The following SEC23A variants were observed in gnomAD, a reference collection of about 807,000 sequenced individuals.
SEC23A encodes the protein SEC23 homolog A, COPII component.
Under a neutral mutation model 103.7 loss-of-function variants are expected in SEC23A, and 56 were observed. The ratio of observed to expected loss-of-function variants is 0.54; its 90% CI spans 0.44 to 0.67. SEC23A has a LOEUF of 0.67. Among genes scored for constraint, SEC23A ranks in the 30% least tolerant of loss-of-function variants. The probability of loss-of-function intolerance (pLI) is 0.00; values close to 1 mark genes in which losing one functional copy is unlikely to be tolerated. For synonymous variants in SEC23A, 281 were observed against 293.0 expected, an observed-to-expected ratio of 0.96 and a Z score of 0.42; for missense variants, 784 against 936.4, an observed-to-expected ratio of 0.84 and a Z score of 2.12.
At chr14:39,082,210 A>G (rs1325796573) in intron 7 of SEC23A, among the ~76,000 whole-genome samples, 3 of 151,904 alleles carry the variant, frequency 2.0e-5, no homozygotes, top group Non-Finnish European at 4.4e-5. Context: ...ATGTAAGAAT[A>G]CACCCAGTGT....
At chr14:39,058,757 AAG>A (rs1183811052) in intron 13 of SEC23A, among the ~76,000 whole-genome samples, 1 of 152,218 alleles carries the variant, frequency 6.6e-6, no homozygotes, top group Non-Finnish European at 1.5e-5. Flanking sequence ...GTAATTTTGA[AAG>A]TTATGTTTTA....
rs1886823650 is a variant in SEC23A, at chr14:39,071,007, A to G, written c.1103+3408T>C. Among the ~76,000 whole-genome samples the G allele has an allele frequency of 2.0e-5, 3 of 152,144 alleles. No homozygotes were observed. In the South Asian group the frequency reaches 6.2e-4, roughly 31 times the overall value. On this transcript the variant is annotated intron_variant, in intron 9 of 19. Transcript: ENST00000307712. ...GTGCCACTGCACTCCAGCTTGGGCA[A>G]CAAGAGGGAAACTCCATCTCAAAAA...
In SEC23A at chr14:39,063,825, T is replaced by C. The variant is rs112245416; in HGVS notation, c.1309-412A>G. On this transcript the variant is annotated intron_variant, in intron 11 of 19. Coordinates refer to ENST00000307712, the MANE Select transcript of SEC23A (RefSeq NM_006364.4). ...TCCTGGCTAACACGGTGAAACCCCA[T>C]CTCTACTAAAAACACAAAAAATCAG... Among the ~76,000 whole-genome samples, 195 of 151,716 alleles carry C rather than the reference T, an allele frequency of 1.3e-3. 1 individual carries two copies. The highest frequency in any genetic ancestry group is 4.4e-3 in the African/African-American group (184 of 41,432).
chr14:39,070,234 T>C (rs1886799624), intron 9 of SEC23A, among the ~76,000 whole-genome samples: 1 of 152,250 alleles, frequency 6.6e-6, no homozygotes, highest in South Asian at 2.1e-4. Flanking sequence ...ACATAGCAGG[T>C]GCTCATTCAT....
chr14:39,084,301 C>T (rs1887348931), intron 7 of SEC23A, among the ~76,000 whole-genome samples: 1 of 152,146 alleles, frequency 6.6e-6, no homozygotes, highest in South Asian at 2.1e-4. Context: ...GCTGGGATTA[C>T]AGGCGTGAAC....
At chr14:39,100,356 C>T (rs1161921176) in intron 1 of SEC23A, among the ~76,000 whole-genome samples, 3 of 151,860 alleles carry the variant, frequency 2.0e-5, no homozygotes, top group African/African-American at 4.8e-5. Flanking sequence ...ATTTGCCAGG[C>T]TTAGTCCCAT....
At chr14:39,066,010 A>C (rs35703102) in intron 10 of SEC23A, among the ~76,000 whole-genome samples, 1,376 of 20,286 alleles carry the variant, frequency 0.068, 3 homozygotes, top group Non-Finnish European at 0.18. Flanking sequence ...AAAAAAAAAA[A>C]AAAAAAAAAA....
At chr14:39,044,939 TA>T (rs899440880) in intron 16 of SEC23A, among the ~76,000 whole-genome samples, 16 of 148,990 alleles carry the variant, frequency 1.1e-4, no homozygotes, top group African/African-American at 1.5e-4. Flanking sequence ...CCATCTCCTT[TA>T]AAAAAAAAAA....
At chr14:39,066,489 T>TA (rs1566496201) in intron 10 of SEC23A, among the ~76,000 whole-genome samples, 1,857 of 148,556 alleles carry the variant, frequency 0.013, 39 homozygotes, top group African/African-American at 0.046. Context: ...TTTTTTTTTT[T>TA]TAAAAAAAAC....
rs71409412 is a variant in SEC23A at position 39,094,403 on chromosome 14, T to C, written c.222-1159A>G. Reference sequence around the variant, plus strand: ...ACACACACACACACACACACATATATATATATATATATATATATATATATA... The same window carrying C: ...ACACACACACACACACACACATATACATATATATATATATATATATATATA... On this transcript the variant is annotated intron_variant, in intron 2 of 19. Coordinates refer to ENST00000307712, the MANE Select transcript of SEC23A (RefSeq NM_006364.4). 2.2e-3 allele frequency among the ~76,000 whole-genome samples: 8 copies of C among 3,644 alleles called. 1 individual carries two copies. Among genetic ancestry groups the C allele is most frequent in the South Asian group, 7.0e-3 (1 of 142 alleles). 2.4% of individuals were successfully genotyped at this position (3,644 alleles called of 152,430 possible). A position where few individuals can be genotyped will look rare whatever the true frequency, so the allele number is the denominator to read the frequency against.
At chr14:39,081,742 A>G (rs1887233147) in intron 7 of SEC23A, among the ~76,000 whole-genome samples, 2 of 152,216 alleles carry the variant, frequency 1.3e-5, no homozygotes, top group African/African-American at 4.8e-5. Context: ...TGAAAGAAAC[A>G]TTGGTTTTTA....
chr14:39,083,580 T>TTTTTTTTTTTTTA (rs1887311703), intron 7 of SEC23A, among the ~76,000 whole-genome samples: 1 of 142,184 alleles, frequency 7.0e-6, no homozygotes, highest in East Asian at 2.1e-4. Flanking sequence ...TTTTTTTTTT[T>TTTTTTTTTTTTTA]GAGATGGAGT....
At chr14:39,081,754 T>C (rs918224219) in intron 7 of SEC23A, among the ~76,000 whole-genome samples, 4 of 152,172 alleles carry the variant, frequency 2.6e-5, no homozygotes, top group Non-Finnish European at 5.9e-5. Flanking sequence ...TGGTTTTTAA[T>C]ATAAAATTTT....
rs575822132 is a variant in SEC23A at position 39,092,705 on chromosome 14, C to T, written c.280-78G>A. The T allele has an allele frequency of 1.8e-4, 141 of 789,216 alleles. 1 individual carries two copies. The African/African-American group carries it at 2.2e-3, about 12-fold the overall frequency. 48.9% of individuals were successfully genotyped at this position (789,216 alleles called of 1,614,324 possible). Reference sequence around the variant, plus strand: ...TAATAAAATTTTAAACAAAGTATTTCCTGATCATTTAATTATTTTTAAAAA... The same window carrying T: ...TAATAAAATTTTAAACAAAGTATTTTCTGATCATTTAATTATTTTTAAAAA... On this transcript the variant is annotated intron_variant, in intron 3 of 19. Coordinates refer to ENST00000307712, the MANE Select transcript of SEC23A (RefSeq NM_006364.4).
chr14:39,080,754 GCTATAAGACAACTTTATAGGAAAAAATA>G (rs1183376049), intron 7 of SEC23A, among the ~76,000 whole-genome samples: 5 of 152,036 alleles, frequency 3.3e-5, no homozygotes, highest in Non-Finnish European at 5.9e-5. Flanking sequence ...ACTATTTAAA[GCTATAAGACAACTTTATAGGAAAAAATA>G]CTATAAGACA....
At chr14:39,041,539 A>C (rs1885646543) in intron 17 of SEC23A, 1 of 150,198 alleles carries the variant, frequency 6.7e-6, no homozygotes, top group South Asian at 2.1e-4. Context: ...GGTATCAATT[A>C]AAAATAATTT....
At chr14:39,061,095 CAG>C (rs1886456465) in intron 13 of SEC23A, among the ~76,000 whole-genome samples, 1 of 152,088 alleles carries the variant, frequency 6.6e-6, no homozygotes, top group East Asian at 1.9e-4. Flanking sequence ...TAATATAAAA[CAG>C]GGAGTTTGTT....
At chr14:39,053,778 G>C (rs552743764) in intron 14 of SEC23A, among the ~76,000 whole-genome samples, 2 of 152,134 alleles carry the variant, frequency 1.3e-5, no homozygotes, top group Non-Finnish European at 2.9e-5. Context: ...AAGCTAGAGT[G>C]CATAAAGAAG....
At chr14:39,100,619 G>A (rs995050600) in intron 1 of SEC23A, among the ~76,000 whole-genome samples, 3 of 151,746 alleles carry the variant, frequency 2.0e-5, no homozygotes, top group African/African-American at 7.3e-5. Flanking sequence ...CTCCATGTTG[G>A]TCAGGCTGGT....
Sources: allele counts gnomAD v4.1 joint callset (sites outside exome capture counted in the v4.1 genomes callset), GRCh38; gene constraint gnomAD v4.1.1; transcripts MANE v1.5; gene names NCBI Gene and HGNC (gene_info 2026-07-23, HGNC 2026-07-21).